Variants in ADGRV1 observed in about 807,000 individuals in gnomAD.
ADGRV1 encodes G-protein coupled receptor 98.
A neutral mutation model predicts 596.2 loss-of-function variants in ADGRV1; 359 were observed. The ratio of observed to expected loss-of-function variants is 0.60; its 90% confidence interval spans 0.55 to 0.66. The LOEUF is 0.66. ADGRV1 is among the 30% of genes least tolerant of loss of function. ADGRV1 has a pLI of 0.00. For synonymous variants in ADGRV1, 2,681 were observed against 2,679.2 expected (o/e 1.00, Z -0.02); for missense variants, 7,274 against 7,575.6 (o/e 0.96, Z 1.48).
intron 50 of ADGRV1, among the ~76,000 whole-genome samples, chr5:90,741,208 G>A (rs1451745843): frequency 6.6e-6 from 1 of 152,018 alleles, no homozygotes; most frequent in Non-Finnish European, 1.5e-5. Flanking sequence ...CTTCTACCTG[G>A]ACTATTACAT....
At chr5:90,901,382 A>G (rs1478667535) in intron 83 of ADGRV1, among the ~76,000 whole-genome samples, 3 of 152,148 alleles carry the variant, frequency 2.0e-5, no homozygotes, top group African/African-American at 7.2e-5. Context: ...TCAAGTAAGC[A>G]TCCAGACCAA....
At chr5:90,644,008 G>A (rs1484689267) in intron 14 of ADGRV1, 25 bp downstream of exon 14, 5 of 1,397,738 alleles carry the variant, frequency 3.6e-6, no homozygotes, top group Non-Finnish European at 4.8e-6. Flanking sequence ...GTCTTATATT[G>A]TATTTCTGTT....
chr5:90,717,284 T>G (rs1750238945), intron 43 of ADGRV1: 1 of 152,168 alleles, frequency 6.6e-6, no homozygotes, highest in African/African-American at 2.4e-5. Context: ...TAAACTTTAT[T>G]TTTTAAAACA....
At chr5:90,647,459 C>G (rs1256378510) in intron 16 of ADGRV1, 39 bp from the exon 17 acceptor site, 1 of 1,569,876 alleles carries the variant, frequency 6.4e-7, no homozygotes. Flanking sequence ...GTGATGGAAT[C>G]AGAAAAGCTC....
At chr5:90,590,049 CT>C (rs1318247579) in intron 1 of ADGRV1, among the ~76,000 whole-genome samples, 1 of 151,568 alleles carries the variant, frequency 6.6e-6, no homozygotes. Context: ...TAAAATATAC[CT>C]TGATATTTTA....
Position 90,761,612 on chromosome 5 carries a change from G to T in ADGRV1, c.12121-1693G>T, listed in dbSNP as rs370814799. Among the ~76,000 whole-genome samples, 13 of 152,246 alleles carry T rather than the reference G, an allele frequency of 8.5e-5. No individual in the cohort carries two copies. The East Asian group carries it at 1.9e-3, about 23-fold the overall frequency. ...ATAAATAATTTTTGTTCATTTTATT[G>T]TAACTGCGGTCATAAACTCTAGTGT... On this transcript the variant is annotated intron_variant, in intron 58 of 89. Coordinates refer to ENST00000405460, the MANE Select transcript of ADGRV1 (RefSeq NM_032119.4).
chr5:90,675,355 A>T lies in ADGRV1; in HGVS notation c.5223A>T (p.Leu1741Phe), dbSNP rs762772275. Reference protein sequence around the residue: ...TVEEEDGEIRLLVIRAQGLLG... With the variant: ...TVEEEDGEIRFLVIRAQGLLG... ...AGGAGGAAGATGGAGAAATCAGGTT[A>T]TTGGTCATCCGTGCACAGGGACTTC... The change falls in exon 24 of 90, where the codon TTA becomes TTT. Residue 1741 changes from leucine (L) to phenylalanine (F), a missense_variant. Coordinates refer to ENST00000405460, the MANE Select transcript of ADGRV1 (RefSeq NM_032119.4). The T allele has an allele frequency of 6.2e-7, 1 of 1,613,852 alleles. No homozygotes were observed. Among genetic ancestry groups the T allele is most frequent in the South Asian group, 1.1e-5 (1 of 91,050 alleles).
intron 84 of ADGRV1, among the ~76,000 whole-genome samples, chr5:90,975,291 G>A (rs1292902833): frequency 6.6e-6 from 1 of 152,060 alleles, no homozygotes; most frequent in Non-Finnish European, 1.5e-5. Flanking sequence ...AAGACAGTGT[G>A]GCGATTCCTC....
At chr5:90,959,977 A>C (rs542932001) in intron 83 of ADGRV1, among the ~76,000 whole-genome samples, 21 of 151,568 alleles carry the variant, frequency 1.4e-4, no homozygotes, top group Admixed American at 2.6e-4. Context: ...GTCTCTACTA[A>C]AAATACAAAA....
intron 83 of ADGRV1, among the ~76,000 whole-genome samples, chr5:90,873,752 G>A (rs376789858): frequency 4.0e-5 from 6 of 151,068 alleles, no homozygotes; most frequent in Admixed American, 1.3e-4. Context: ...CTGTGATCAC[G>A]CCACTGCACT....
At chr5:90,692,838 G>T (rs1746663505) in intron 32 of ADGRV1, 52 bp downstream of exon 32, 2 of 1,392,706 alleles carry the variant, frequency 1.4e-6, no homozygotes, top group East Asian at 5.0e-5. Flanking sequence ...TTGTGGGGTG[G>T]TGGGGAAGGA....
chr5:91,057,564 G>A (rs1196456031), intron 85 of ADGRV1, among the ~76,000 whole-genome samples: 2 of 152,180 alleles, frequency 1.3e-5, no homozygotes, highest in Non-Finnish European at 2.9e-5. Context: ...AAATTACTCT[G>A]CTGTTCCTAT....
At chr5:90,562,240 AC>A (rs1282587105) in intron 1 of ADGRV1, among the ~76,000 whole-genome samples, 1 of 152,222 alleles carries the variant, frequency 6.6e-6, no homozygotes, top group East Asian at 1.9e-4. Flanking sequence ...CTACTAATAA[AC>A]TAGAGTCTAC....
chr5:90,958,239 G>C (rs1777656855), intron 83 of ADGRV1, among the ~76,000 whole-genome samples: 1 of 132,562 alleles, frequency 7.5e-6, no homozygotes, highest in East Asian at 2.2e-4. Context: ...AGCCAAAATT[G>C]TGCCACTGTA....
intron 11 of ADGRV1, among the ~76,000 whole-genome samples, chr5:90,638,787 G>A (rs1766587104): frequency 6.6e-6 from 1 of 152,034 alleles, no homozygotes; most frequent in Non-Finnish European, 1.5e-5. Context: ...AAAGTAGTAA[G>A]TTATTTTATA....
chr5:91,076,451 C>T (rs965508003), intron 86 of ADGRV1, among the ~76,000 whole-genome samples: 1 of 152,034 alleles, frequency 6.6e-6, no homozygotes, highest in Non-Finnish European at 1.5e-5. Context: ...TCCCCAGGGC[C>T]TTGCAGAGTG....
chr5:90,881,885 T>C (rs1248828507), intron 83 of ADGRV1, among the ~76,000 whole-genome samples: 1 of 152,062 alleles, frequency 6.6e-6, no homozygotes, highest in Non-Finnish European at 1.5e-5. Flanking sequence ...ACTTTTTTCT[T>C]TTTTTGTGGA....
At position 90,643,708 on chromosome 5, in the gene ADGRV1, CTT is replaced by C. The variant is rs1198520627; in HGVS notation, c.2554-93_2554-92del. On this transcript the variant is annotated intron_variant, in intron 13 of 89. Coordinates refer to ENST00000405460, the MANE Select transcript of ADGRV1 (RefSeq NM_032119.4). ...TTCAGTGAGTTATATGCTTCTGAAA[CTT>C]TGAGTATATTAATATTCTTGAATAT... 3.2e-6 allele frequency: 3 copies of C among 943,442 alleles called. No homozygotes were observed. In the African/African-American group the frequency reaches 5.0e-5, roughly 16 times the overall value. 58.4% of individuals were successfully genotyped at this position (943,442 alleles called of 1,614,324 possible).
intron 68 of ADGRV1, among the ~76,000 whole-genome samples, chr5:90,788,594 A>G (rs948474171): frequency 6.6e-6 from 1 of 152,164 alleles, no homozygotes; most frequent in Non-Finnish European, 1.5e-5. Context: ...GTTTTAGAGC[A>G]GAGGTATTTG....
Sources: gnomAD v4.1 joint callset for allele counts (sites outside exome capture counted in the v4.1 genomes callset) on GRCh38, gnomAD v4.1.1 for gene constraint, MANE v1.5 for transcripts, NCBI Gene and HGNC (gene_info 2026-07-23, HGNC 2026-07-21) for gene names.